ATG7: variants seen among roughly 807,000 people sequenced by gnomAD.
ATG7 encodes the protein ubiquitin-like modifier-activating enzyme ATG7.
In ATG7, 70 loss-of-function variants were observed where a neutral mutation model predicts 82.4. The ratio of observed to expected loss-of-function variants is 0.85; its 90% CI spans 0.70 to 1.04. The LOEUF is 1.04. Among genes scored for constraint, ATG7 ranks in the 50% least tolerant of loss-of-function variants. ATG7 has a pLI of 0.00. For missense variants in ATG7, 792 were observed against 864.3 expected (o/e 0.92, Z 1.05); for synonymous variants, 287 against 313.0 (o/e 0.92, Z 0.88).
chr3:11,412,681 A>G (rs1188316424), intron 19 of ATG7, among the ~76,000 whole-genome samples: 2 of 152,190 alleles, frequency 1.3e-5, no homozygotes, highest in Non-Finnish European at 2.9e-5. Flanking sequence ...TTAAGATTAC[A>G]TATGAATTTT....
chr3:11,407,410 C>T (rs575305108), intron 19 of ATG7, among the ~76,000 whole-genome samples: 1 of 152,286 alleles, frequency 6.6e-6, no homozygotes, highest in Non-Finnish European at 1.5e-5. Context: ...TCTGGCTCTT[C>T]CAGGCACACA....
At chr3:11,379,260 T>C (rs527719853) in intron 18 of ATG7, among the ~76,000 whole-genome samples, 4 of 152,228 alleles carry the variant, frequency 2.6e-5, no homozygotes, top group African/African-American at 9.6e-5. Flanking sequence ...TTTTATGATA[T>C]ATAGAACAGC....
rs1024201302 is a variant in ATG7 at position 11,282,288 on chromosome 3, T to G, written c.-161T>G. 7.2e-5 allele frequency: 11 copies of G among 152,218 alleles called. No individual in the cohort carries two copies. Among genetic ancestry groups the G allele is most frequent in the Admixed American group, 6.5e-4 (10 of 15,274 alleles). The allele number at this position is 152,218 out of a possible 1,614,324, so 9.4% of individuals were successfully genotyped here. ...TTGCATGTGAAGGTGAAGGATATTA[T>G]AGCAGAAGGAAACCAAAATAAAAGA... On this transcript the variant is annotated 5_prime_UTR_variant, in exon 3 of 21. Transcript: ENST00000693202.
intron 19 of ATG7, among the ~76,000 whole-genome samples, chr3:11,392,188 A>G (rs535084896): frequency 1.1e-4 from 17 of 152,224 alleles, no homozygotes; most frequent in African/African-American, 4.1e-4. Flanking sequence ...TGAGAGTTTA[A>G]AAGCTTTTTC....
At chr3:11,574,573 T>C in the ATG7 span, among the ~76,000 whole-genome samples, 83 of 152,176 alleles carry the variant, frequency 5.5e-4, no homozygotes, top group African/African-American at 1.6e-3. Context: ...TCCAGCACTA[T>C]GGTCACCTAG....
At chr3:11,436,337 T>G (rs890470951) in intron 20 of ATG7, among the ~76,000 whole-genome samples, 2 of 152,192 alleles carry the variant, frequency 1.3e-5, no homozygotes, top group Non-Finnish European at 2.9e-5. Flanking sequence ...TATGAAGATG[T>G]AGGGAAATTA....
chr3:11,422,146 T>A (rs1348013979), intron 19 of ATG7, among the ~76,000 whole-genome samples: 5 of 152,202 alleles, frequency 3.3e-5, no homozygotes, highest in Non-Finnish European at 7.4e-5. Context: ...TCACCAGCTG[T>A]TTTGGTCTTG....
chr3:11,561,891 CT>C (rs35380668), downstream of ATG7, among the ~76,000 whole-genome samples: 62 of 88,604 alleles, frequency 7.0e-4, no homozygotes, highest in African/African-American at 2.0e-3. Flanking sequence ...CTGCGCCAAA[CT>C]TTTTTTTTTT....
intron 20 of ATG7, among the ~76,000 whole-genome samples, chr3:11,474,202 G>T (rs2153020733): frequency 1.3e-5 from 2 of 152,336 alleles, no homozygotes; most frequent in South Asian, 4.1e-4. Context: ...GGGGACAGTG[G>T]CAAGACAGAC....
downstream of ATG7, among the ~76,000 whole-genome samples, chr3:11,559,179 G>A (rs59988019): frequency 2.0e-4 from 30 of 152,358 alleles, no homozygotes; most frequent in African/African-American, 5.8e-4. Context: ...CATGCGCAAC[G>A]CTAGGCGCAC....
intron 14 of ATG7, among the ~76,000 whole-genome samples, chr3:11,356,950 T>C (rs1276533452): frequency 6.6e-6 from 1 of 152,236 alleles, no homozygotes; most frequent in Non-Finnish European, 1.5e-5. Context: ...CCTGCTTTGC[T>C]TGCCACTCTT....
chr3:11,315,660 C>T (rs538452623), intron 9 of ATG7, among the ~76,000 whole-genome samples, 167 bp downstream of exon 9: 13 of 152,282 alleles, frequency 8.5e-5, no homozygotes, highest in African/African-American at 3.1e-4. Context: ...CTACAGTTAT[C>T]GAATCAGCTC....
intron 9 of ATG7, among the ~76,000 whole-genome samples, chr3:11,329,683 A>C (rs1039104911): frequency 6.6e-6 from 1 of 152,254 alleles, no homozygotes; most frequent in Admixed American, 6.5e-5. Flanking sequence ...GATTTACAGA[A>C]GATAGTGGCA....
At chr3:11,444,078 A>G (rs73137567) in intron 20 of ATG7, among the ~76,000 whole-genome samples, 3,984 of 152,296 alleles carry the variant, frequency 0.026, 125 homozygotes, top group African/African-American at 0.077. Context: ...GAATTATGCT[A>G]TAATATGTAG....
intron 19 of ATG7, among the ~76,000 whole-genome samples, chr3:11,416,055 C>T (rs1192560535): frequency 6.6e-6 from 1 of 152,192 alleles, no homozygotes; most frequent in African/African-American, 2.4e-5. Flanking sequence ...ATTGTATATG[C>T]AGTTCCTCCT....
intron 20 of ATG7, among the ~76,000 whole-genome samples, chr3:11,507,628 GTGTTTTT>G (rs1209233220): frequency 6.6e-6 from 1 of 152,126 alleles, no homozygotes; most frequent in African/African-American, 2.4e-5. Flanking sequence ...AAAGTTATGG[GTGTTTTT>G]TGTTTTTGTT....
the ATG7 span, among the ~76,000 whole-genome samples, chr3:11,572,129 C>T: frequency 6.6e-6 from 1 of 152,104 alleles, no homozygotes; most frequent in Non-Finnish European, 1.5e-5. Flanking sequence ...TGGGGAATCT[C>T]TGAGTAAGTG....
At chr3:11,342,406 CCTTTT>C in intron 13 of ATG7, 127 bp downstream of exon 13, 1 of 1,240,998 alleles carries the variant, frequency 8.1e-7, no homozygotes, top group Non-Finnish European at 1.1e-6. Flanking sequence ...CTTCCTTTTT[CCTTTT>C]CTTATCTTTT....
chr3:11,333,663 T>G (rs528386257), intron 11 of ATG7, among the ~76,000 whole-genome samples: 1 of 152,156 alleles, frequency 6.6e-6, no homozygotes, highest in African/African-American at 2.4e-5. Context: ...TATACACATA[T>G]ATATATTTAC....
Sources: gnomAD v4.1 joint callset for allele counts (sites outside exome capture counted in the v4.1 genomes callset) on GRCh38, gnomAD v4.1.1 for gene constraint, MANE v1.5 for transcripts, NCBI Gene and HGNC (gene_info 2026-07-23, HGNC 2026-07-21) for gene names.